The following TRPM6 variants were observed in gnomAD, a reference collection of about 807,000 sequenced individuals.
TRPM6 encodes the protein transient receptor potential cation channel subfamily M member 6, also known as channel kinase 2.
In TRPM6, 111 loss-of-function variants were observed where a neutral mutation model predicts 247.6. The ratio of observed to expected loss-of-function variants is 0.45; its 90% CI spans 0.38 to 0.52. The LOEUF (loss-of-function observed/expected upper bound fraction) is 0.52, where lower values mean the gene tolerates loss of function less well. TRPM6 is among the 20% of genes least tolerant of loss of function. The pLI is 0.00. For missense variants in TRPM6, 2,126 were observed against 2,421.5 expected (o/e 0.88, Z 2.56); for synonymous variants, 892 against 853.8 (o/e 1.04, Z -0.78).
At chr9:74,784,731 A>G (rs781164874) in intron 21 of TRPM6, among the ~76,000 whole-genome samples, 4 of 152,198 alleles carry the variant, frequency 2.6e-5, no homozygotes, top group Non-Finnish European at 5.9e-5. Context: ...ACTATGCAAT[A>G]TACTATCCAA....
chr9:74,804,429 G>A, intron 14 of TRPM6: 2 of 537,494 alleles, frequency 3.7e-6, no homozygotes, highest in South Asian at 4.3e-5. Context: ...AAAACAAAAA[G>A]AAGCATTCTT....
In TRPM6 at chr9:74,762,093, C is replaced by A. The variant is rs763252054; in HGVS notation, c.4578G>T (p.Trp1526Cys). 6.2e-7 allele frequency: 1 copy of A among 1,614,056 alleles called. No homozygotes were observed. The highest frequency in any genetic ancestry group is 8.5e-7 in the Non-Finnish European group (1 of 1,180,038). ...GCCTGTATCTGCGGAGAGGATTGAT[C>A]CAAAAGGATGTGTTTGGCTGAAGCC... ...GPWLQPNTSFWINPLRRYRPF... is the reference protein window; with the variant it reads ...GPWLQPNTSFCINPLRRYRPF... The change falls in exon 26 of 39, where the codon TGG (tryptophan) becomes TGT (cysteine). Residue 1526 changes from tryptophan to cysteine, a missense_variant. This residue lies in a region of TRPM6 where 717 missense variants were observed against 715.9 expected (regional missense o/e 1.00). Transcript: ENST00000360774.
In TRPM6 at chr9:74,827,956, G is replaced by A; in HGVS notation, c.670-7C>T. On this transcript the variant is annotated splice_polypyrimidine_tract_variant and splice_region_variant and intron_variant, in intron 6 of 38. Transcript: ENST00000360774. ...TCTGGTACAGGCACACCACCTGAGA[G>A]ACAGCAAGGACAAGGGAGGGTCAGA... The A allele has an allele frequency of 1.2e-6, 2 of 1,613,822 alleles. No homozygotes were observed. Among genetic ancestry groups the A allele is most frequent in the South Asian group, 1.1e-5 (1 of 91,076 alleles).
rs1563990788 is a variant in TRPM6 at position 74,739,371 on chromosome 9, G to A, written c.5566C>T (p.Pro1856Ser). ...QVKPQTIPYTPRFLEVFLIYC... is the reference protein window; with the variant it reads ...QVKPQTIPYTSRFLEVFLIYC... ...AAGGTGCCAAGATTTTCTTACCTTG[G>A]TGTGTAGGGTATGGTTTGTGGTTTC... is the stretch of plus-strand genomic sequence containing the variant. Residue 1856 changes from proline to serine, a missense_variant, in exon 35 of 39, where the codon CCA becomes TCA. This residue lies in a region of TRPM6 where 327 missense variants were observed against 397.7 expected (regional missense o/e 0.82). Transcript: ENST00000360774. 6.2e-7 allele frequency: 1 copy of A among 1,614,002 alleles called. No homozygotes were observed. The highest frequency in any genetic ancestry group is 1.3e-5 in the African/African-American group (1 of 75,034).
chr9:74,823,798 A>T (rs1005257380), intron 7 of TRPM6, among the ~76,000 whole-genome samples: 6 of 152,198 alleles, frequency 3.9e-5, no homozygotes, highest in South Asian at 2.1e-4. Flanking sequence ...AGCCATTAAA[A>T]TGTACTAAAT....
intron 1 of TRPM6, among the ~76,000 whole-genome samples, chr9:74,871,940 C>T (rs1422315154): frequency 6.6e-6 from 1 of 151,780 alleles, no homozygotes; most frequent in Non-Finnish European, 1.5e-5. Context: ...GCAACCTCTG[C>T]CTCCTGGGTT....
chr9:74,744,266 G>C lies in TRPM6; in HGVS notation c.5084-121C>G, dbSNP rs77526330. On this transcript the variant is annotated intron_variant, in intron 31 of 38. Transcript: ENST00000360774. ...TAATCAGAATGGCTTCTCAGTATTC[G>C]AAAAAGCTTGCCTAATATTTTTTAA... The C allele has an allele frequency of 4.7e-4, 505 of 1,080,562 alleles. 1 individual carries two copies. The African/African-American group carries it at 7.1e-3, about 15-fold the overall frequency. The allele number at this position is 1,080,562 out of a possible 1,614,324, so 66.9% of individuals were successfully genotyped here. A position where few individuals can be genotyped will look rare whatever the true frequency, so the allele number is the denominator to read the frequency against.
At chr9:74,823,371 A>C (rs1829200711) in intron 7 of TRPM6, among the ~76,000 whole-genome samples, 1 of 152,230 alleles carries the variant, frequency 6.6e-6, no homozygotes, top group Non-Finnish European at 1.5e-5. Flanking sequence ...ATGTGTCAAG[A>C]TAAAAGGCTA....
Position 74,724,450 on chromosome 9 carries a change from T to C in TRPM6, c.*163A>G, listed in dbSNP as rs545719267. On this transcript the variant is annotated 3_prime_UTR_variant, in exon 39 of 39. Transcript: ENST00000360774. ...AGAGGTCAGTGTCTAGGAGAACCCATTGATCATATACCAATGAGGCCTTTG... is the reference window on the plus strand; with the variant it reads ...AGAGGTCAGTGTCTAGGAGAACCCACTGATCATATACCAATGAGGCCTTTG... 39 of 973,234 alleles carry C rather than the reference T, an allele frequency of 4.0e-5. No individual in the cohort carries two copies. In the East Asian group the frequency reaches 7.4e-4, roughly 18 times the overall value. 60.3% of individuals were successfully genotyped at this position (973,234 alleles called of 1,614,324 possible).
At chr9:74,852,726 C>T (rs1830375901) in intron 3 of TRPM6, among the ~76,000 whole-genome samples, 1 of 152,220 alleles carries the variant, frequency 6.6e-6, no homozygotes, top group Non-Finnish European at 1.5e-5. Context: ...CTCCTGACCG[C>T]GAGTGATCTG....
At chr9:74,830,854 C>A (rs536940062) in intron 6 of TRPM6, among the ~76,000 whole-genome samples, 1 of 148,760 alleles carries the variant, frequency 6.7e-6, no homozygotes, top group African/African-American at 2.5e-5. Context: ...GCCTCGGCCT[C>A]GGCCTCCCAA....
intron 19 of TRPM6, among the ~76,000 whole-genome samples, chr9:74,791,950 G>A (rs1432908322): frequency 6.6e-6 from 1 of 152,038 alleles, no homozygotes; most frequent in Non-Finnish European, 1.5e-5. Context: ...GTAGAGACGG[G>A]GTTTCACCAT....
At chr9:74,803,934 T>A in intron 14 of TRPM6, 48 bp from the exon 15 acceptor site, 1 of 1,168,864 alleles carries the variant, frequency 8.6e-7, no homozygotes, top group Non-Finnish European at 1.3e-6. Context: ...CACGTTATTA[T>A]TTTATTTTTA....
intron 38 of TRPM6, among the ~76,000 whole-genome samples, chr9:74,726,690 C>T (rs899781779): frequency 2.0e-5 from 3 of 152,096 alleles, no homozygotes; most frequent in African/African-American, 7.2e-5. Flanking sequence ...ATGCAGGCTG[C>T]CCTTCCAGGG....
At position 74,827,881 on chromosome 9, in the gene TRPM6, C is replaced by G; in HGVS notation, c.738G>C (p.Ser246=). The change falls in exon 7 of 39, where the codon TCG becomes TCC. Residue 246 remains serine (S), a synonymous_variant. Transcript: ENST00000360774. The part of the protein sequence containing the change: ...SKLTTLNSMH[S]HFILSDDGTV... ...TCCCATCATCAGACAGGATGAAGTG[C>G]GAGTGCATGCTGTTGAGTGTTGTGA... The G allele has an allele frequency of 1.2e-6, 2 of 1,614,058 alleles. No individual in the cohort carries two copies. Among genetic ancestry groups the G allele is most frequent in the East Asian group, 2.2e-5 (1 of 44,870 alleles).
intron 18 of TRPM6, 106 bp downstream of exon 18, chr9:74,796,635 C>A: frequency 8.5e-7 from 1 of 1,178,674 alleles, no homozygotes; most frequent in Non-Finnish European, 1.3e-6. Flanking sequence ...ATATAGGCAA[C>A]ATAACTTTTG....
intron 24 of TRPM6, among the ~76,000 whole-genome samples, chr9:74,775,523 C>G (rs1827187817): frequency 6.6e-6 from 1 of 152,140 alleles, no homozygotes; most frequent in African/African-American, 2.4e-5. Context: ...ATTCCATCTT[C>G]CACAACAAGG....
Position 74,724,385 on chromosome 9 carries a change from C to G in TRPM6, c.*228G>C. 1.7e-6 allele frequency: 1 copy of G among 587,206 alleles called. No individual in the cohort carries two copies. The highest frequency in any genetic ancestry group is 3.0e-6 in the Non-Finnish European group (1 of 331,516). The allele number at this position is 587,206 out of a possible 1,614,324, so 36.4% of individuals were successfully genotyped here. A position where few individuals can be genotyped will look rare whatever the true frequency, so the allele number is the denominator to read the frequency against. ...CCCAGCTGACTCATCCAAGCATCTT[C>G]GTGTGGAACTTGAGGATGGAGCTGC... On this transcript the variant is annotated 3_prime_UTR_variant, in exon 39 of 39. Coordinates refer to ENST00000360774, the MANE Select transcript of TRPM6 (RefSeq NM_017662.5).
At chr9:74,771,968 C>A in intron 24 of TRPM6, 133 bp from the exon 25 acceptor site, 1 of 836,394 alleles carries the variant, frequency 1.2e-6, no homozygotes, top group Non-Finnish European at 1.9e-6. Flanking sequence ...CAAACTATTT[C>A]TAATATTAAT....
Sources: gnomAD v4.1 joint callset for allele counts (sites outside exome capture counted in the v4.1 genomes callset) on GRCh38, gnomAD v4.1.1 for gene constraint, gnomAD v4.1.1 regional missense constraint, MANE v1.5 for transcripts, NCBI Gene and HGNC (gene_info 2026-07-23, HGNC 2026-07-21) for gene names.